The following GNG12 variants were observed in gnomAD, a reference collection of about 807,000 sequenced individuals.
GNG12 encodes guanine nucleotide-binding protein G(I)/G(S)/G(O) subunit gamma-12.
For synonymous variants in GNG12, 28 were observed against 29.7 expected, an observed-to-expected ratio of 0.94 and a Z score of 0.19; for missense variants, 69 against 83.8, an observed-to-expected ratio of 0.82 and a Z score of 0.69.
intron 1 of GNG12, among the ~76,000 whole-genome samples, chr1:67,818,489 AGG>A (rs1646966955): frequency 1.3e-5 from 2 of 150,944 alleles, no homozygotes; most frequent in Non-Finnish European, 2.9e-5. Flanking sequence ...TTCAGCGAAA[AGG>A]AACTGCCAAA....
intron 2 of GNG12, among the ~76,000 whole-genome samples, chr1:67,770,624 G>C (rs1646668390): frequency 6.6e-6 from 1 of 152,150 alleles, no homozygotes; most frequent in Admixed American, 6.5e-5. Flanking sequence ...AACAGCAGCA[G>C]GAGGAGAGAA....
At chr1:67,793,504 G>T (rs750425888) in intron 1 of GNG12, among the ~76,000 whole-genome samples, 22 of 151,848 alleles carry the variant, frequency 1.4e-4, no homozygotes, top group Admixed American at 2.0e-4. Context: ...CAAATACTAA[G>T]TATTTGGTCA....
At position 67,701,569 on chromosome 1, in the gene GNG12, T is replaced by C. The variant is rs1484554410; in HGVS notation, c.*3882A>G. 6.5e-6 allele frequency: 1 copy of C among 152,680 alleles called. No individual in the cohort carries two copies. The highest frequency in any genetic ancestry group is 1.5e-5 in the Non-Finnish European group (1 of 68,050). The allele number at this position is 152,680 out of a possible 1,614,324, so 9.5% of individuals were successfully genotyped here. ...AAGCAATGGTGCTTTTAATGAAACT[T>C]CTTTCAAATCTGTGAACATGCTAGC... On this transcript the variant is annotated 3_prime_UTR_variant, in exon 4 of 4. Transcript: ENST00000370982.
chr1:67,755,978 T>C (rs1646565668), intron 2 of GNG12, among the ~76,000 whole-genome samples: 2 of 151,784 alleles, frequency 1.3e-5, no homozygotes, highest in South Asian at 2.1e-4. Context: ...AGCAAAAAAA[T>C]AAAAGTTTGA....
chr1:67,764,091 G>A (rs908911398), intron 2 of GNG12, among the ~76,000 whole-genome samples: 2 of 152,106 alleles, frequency 1.3e-5, no homozygotes, highest in African/African-American at 4.8e-5. Flanking sequence ...AGTAAATACT[G>A]AGTGTATATT....
intron 2 of GNG12, among the ~76,000 whole-genome samples, chr1:67,711,916 A>G (rs1379830356): frequency 6.6e-6 from 1 of 152,248 alleles, no homozygotes; most frequent in Non-Finnish European, 1.5e-5. Context: ...TGGAGAAAGC[A>G]GATCAAAATT....
At chr1:67,826,677 A>T (rs1184665185) in intron 1 of GNG12, among the ~76,000 whole-genome samples, 4 of 152,230 alleles carry the variant, frequency 2.6e-5, no homozygotes, top group Admixed American at 2.6e-4. Context: ...TGGTATGATG[A>T]TGTTATCTCA....
At chr1:67,706,731 C>A (rs1407852609) in intron 3 of GNG12, among the ~76,000 whole-genome samples, 5 of 150,708 alleles carry the variant, frequency 3.3e-5, no homozygotes, top group Middle Eastern at 3.2e-3. Context: ...TCTTGGTTCA[C>A]TGCAACCTCT....
At chr1:67,783,009 A>G (rs1488809233) in intron 1 of GNG12, among the ~76,000 whole-genome samples, 1 of 152,182 alleles carries the variant, frequency 6.6e-6, no homozygotes, top group Non-Finnish European at 1.5e-5. Flanking sequence ...GTCCTTGAAC[A>G]ATTTATCTCT....
Position 67,771,320 on chromosome 1 carries a change from C to T in GNG12, c.-27+6138G>A, listed in dbSNP as rs543879358. 7.2e-5 allele frequency among the ~76,000 whole-genome samples: 11 copies of T among 152,360 alleles called. No individual in the cohort carries two copies. In the East Asian group the frequency reaches 1.9e-3, roughly 27 times the overall value. On this transcript the variant is annotated intron_variant, in intron 2 of 3. Coordinates refer to ENST00000370982, the MANE Select transcript of GNG12 (RefSeq NM_018841.6). ...CTACCTCATTCAGTCCCTCTAACAA[C>T]TCCTTGAGGCGGATATTTGACAGAT...
At position 67,833,459 on chromosome 1, in the gene GNG12, C is replaced by T; in HGVS notation, c.-192G>A. 2.0e-6 allele frequency: 2 copies of T among 985,624 alleles called. No homozygotes were observed. The highest frequency in any genetic ancestry group is 1.0e-3 in the Middle Eastern group (2 of 1,920). The allele number at this position is 985,624 out of a possible 1,614,324, so 61.1% of individuals were successfully genotyped here. ...CTCTTGCTCCTCCGGGCGCCGGCTC[C>T]GCCTCGCTGGGGTGGGCGGGGCGGC... On this transcript the variant is annotated 5_prime_UTR_variant, in exon 1 of 4. Coordinates refer to ENST00000370982, the MANE Select transcript of GNG12 (RefSeq NM_018841.6).
chr1:67,746,808 A>G (rs1215240441), intron 2 of GNG12, among the ~76,000 whole-genome samples: 2 of 152,246 alleles, frequency 1.3e-5, no homozygotes, highest in Non-Finnish European at 2.9e-5. Flanking sequence ...TTATTCTCTC[A>G]GAGTCTAAGG....
At chr1:67,803,166 C>T (rs1646876071) in intron 1 of GNG12, among the ~76,000 whole-genome samples, 1 of 152,164 alleles carries the variant, frequency 6.6e-6, no homozygotes, top group Admixed American at 6.5e-5. Context: ...CTCAATCCTA[C>T]ATCCCCAAAA....
At chr1:67,782,600 T>C (rs903542873) in intron 1 of GNG12, among the ~76,000 whole-genome samples, 10 of 152,188 alleles carry the variant, frequency 6.6e-5, no homozygotes, top group African/African-American at 2.4e-4. Flanking sequence ...GTGGTATATG[T>C]ACTCAACTAA....
chr1:67,764,925 T>C (rs1302017070), intron 2 of GNG12, among the ~76,000 whole-genome samples: 1 of 152,214 alleles, frequency 6.6e-6, no homozygotes, highest in African/African-American at 2.4e-5. Flanking sequence ...GGGAAAAATA[T>C]ATCCGTCTTT....
intron 1 of GNG12, among the ~76,000 whole-genome samples, chr1:67,784,529 CTTTTA>C (rs1243547880): frequency 6.7e-6 from 1 of 149,370 alleles, no homozygotes; most frequent in Non-Finnish European, 1.5e-5. Flanking sequence ...AAAAAAAAGA[CTTTTA>C]TTTTGTATTT....
intron 1 of GNG12, among the ~76,000 whole-genome samples, chr1:67,781,653 G>A (rs1431653374): frequency 3.9e-5 from 6 of 152,106 alleles, no homozygotes; most frequent in Non-Finnish European, 8.8e-5. Flanking sequence ...GTGAACAAAT[G>A]GTGACCAAGT....
At chr1:67,731,834 C>T (rs1319161555) in intron 2 of GNG12, among the ~76,000 whole-genome samples, 1 of 152,228 alleles carries the variant, frequency 6.6e-6, no homozygotes, top group Non-Finnish European at 1.5e-5. Context: ...TGGTATTTCA[C>T]TGCCTTTTGC....
At chr1:67,820,292 G>C (rs774778511) in intron 1 of GNG12, among the ~76,000 whole-genome samples, 6 of 151,646 alleles carry the variant, frequency 4.0e-5, no homozygotes, top group Non-Finnish European at 7.4e-5. Context: ...AGGAGGCTGA[G>C]ACAGGAGAAT....
Sources: allele counts gnomAD v4.1 joint callset (sites outside exome capture counted in the v4.1 genomes callset), GRCh38; gene constraint gnomAD v4.1.1; transcripts MANE v1.5; gene names NCBI Gene and HGNC (gene_info 2026-07-23, HGNC 2026-07-21).